KCNH7: variants seen among roughly 807,000 people sequenced by gnomAD.
KCNH7 encodes the protein voltage-gated inwardly rectifying potassium channel KCNH7.
KCNH7 carries 49 observed loss-of-function variants against 120.8 expected under a neutral mutation model. The observed-to-expected ratio is 0.41, with a 90% CI of 0.32 to 0.51. The LOEUF is 0.51. Among genes scored for constraint, KCNH7 ranks in the 20% least tolerant of loss-of-function variants. The pLI, the probability that KCNH7 is intolerant of heterozygous loss-of-function variation, is 0.38. For missense variants in KCNH7, 1,097 were observed against 1,446.6 expected, an observed-to-expected ratio of 0.76 and a Z score of 3.92; for synonymous variants, 547 against 516.1, an observed-to-expected ratio of 1.06 and a Z score of -0.81.
At chr2:162,650,896 G>A (rs78613705) in intron 2 of KCNH7, among the ~76,000 whole-genome samples, 1,838 of 152,244 alleles carry the variant, frequency 0.012, 49 homozygotes, top group East Asian at 0.12. Context: ...CTGTCAGCAG[G>A]TAGGTACGTA....
At chr2:162,413,940 G>A (rs1031635439) in intron 9 of KCNH7, among the ~76,000 whole-genome samples, 1 of 151,572 alleles carries the variant, frequency 6.6e-6, no homozygotes, top group African/African-American at 2.4e-5. Context: ...TGGAAAATAT[G>A]CAAAAAATGC....
At chr2:162,722,446 G>C (rs920353302) in intron 2 of KCNH7, among the ~76,000 whole-genome samples, 2 of 151,946 alleles carry the variant, frequency 1.3e-5, no homozygotes, top group African/African-American at 4.8e-5. Flanking sequence ...TTAAAGAGAA[G>C]CAACTTTTGT....
chr2:162,758,635 A>C (rs564872658), intron 2 of KCNH7, among the ~76,000 whole-genome samples: 12 of 152,192 alleles, frequency 7.9e-5, no homozygotes, highest in Middle Eastern at 3.4e-3. Context: ...ATATACCCAT[A>C]GTTGTATTGT....
At chr2:162,548,008 A>AT (rs78294158) in intron 2 of KCNH7, among the ~76,000 whole-genome samples, 14,883 of 152,076 alleles carry the variant, frequency 0.098, 859 homozygotes, top group East Asian at 0.21. Context: ...AAGTAAAGGT[A>AT]TTTTTTTCCC....
At chr2:162,559,949 G>A in intron 2 of KCNH7, among the ~76,000 whole-genome samples, 1 of 152,168 alleles carries the variant, frequency 6.6e-6, no homozygotes, top group South Asian at 2.1e-4. Flanking sequence ...GGTAGAACAT[G>A]TTCTCATTTT....
At chr2:162,673,267 G>C (rs1241919596) in intron 2 of KCNH7, among the ~76,000 whole-genome samples, 1 of 151,868 alleles carries the variant, frequency 6.6e-6, no homozygotes, top group Non-Finnish European at 1.5e-5. Flanking sequence ...ATGGATATAT[G>C]GTTTTATATA....
intron 2 of KCNH7, among the ~76,000 whole-genome samples, chr2:162,605,564 G>A (rs1682721777): frequency 1.3e-5 from 2 of 152,056 alleles, no homozygotes; most frequent in Admixed American, 1.3e-4. Context: ...AATACTGAAT[G>A]CATTTTTATT....
chr2:162,663,678 G>A (rs555788006), intron 2 of KCNH7, among the ~76,000 whole-genome samples: 8 of 152,158 alleles, frequency 5.3e-5, no homozygotes, highest in African/African-American at 1.4e-4. Context: ...TTCTGAATAA[G>A]CTTCATCAAA....
intron 6 of KCNH7, among the ~76,000 whole-genome samples, chr2:162,467,354 G>A (rs994170224): frequency 4.6e-5 from 7 of 152,216 alleles, no homozygotes; most frequent in Non-Finnish European, 1.0e-4. Flanking sequence ...AAGCCTAATA[G>A]GAGGTGTTTG....
intron 6 of KCNH7, among the ~76,000 whole-genome samples, chr2:162,503,162 C>T (rs1424886230): frequency 6.6e-6 from 1 of 151,994 alleles, no homozygotes; most frequent in Non-Finnish European, 1.5e-5. Context: ...AATTTTATTC[C>T]CTTATGCACT....
intron 2 of KCNH7, chr2:162,797,486 A>T (rs1404549638): frequency 2.0e-5 from 3 of 152,138 alleles, no homozygotes; most frequent in African/African-American, 7.2e-5. Flanking sequence ...TGGACTGGAT[A>T]AGAAAACAAG....
At chr2:162,393,769 C>A (rs575649582) in intron 12 of KCNH7, among the ~76,000 whole-genome samples, 2 of 151,892 alleles carry the variant, frequency 1.3e-5, no homozygotes, top group Admixed American at 6.6e-5. Flanking sequence ...TGAGGAATAC[C>A]TATTCCTGTT....
At chr2:162,677,352 T>A (rs1400433781) in intron 2 of KCNH7, among the ~76,000 whole-genome samples, 1 of 151,452 alleles carries the variant, frequency 6.6e-6, no homozygotes, top group Non-Finnish European at 1.5e-5. Flanking sequence ...AATGAATATA[T>A]CTATTTTATC....
intron 14 of KCNH7, among the ~76,000 whole-genome samples, chr2:162,376,588 T>C (rs2105394596): frequency 6.6e-6 from 1 of 152,222 alleles, no homozygotes. Flanking sequence ...GGTCTCGAAC[T>C]CCTGACCTTG....
intron 2 of KCNH7, among the ~76,000 whole-genome samples, chr2:162,717,439 A>G (rs1367100265): frequency 6.6e-6 from 1 of 152,124 alleles, no homozygotes; most frequent in East Asian, 1.9e-4. Flanking sequence ...ATGCTAAGGA[A>G]AGGTCCATCT....
At chr2:162,513,604 C>T (rs963453384) in intron 4 of KCNH7, among the ~76,000 whole-genome samples, 1 of 151,502 alleles carries the variant, frequency 6.6e-6, no homozygotes, top group African/African-American at 2.4e-5. Context: ...CGTGCCTGAG[C>T]CTCCTTAGTA....
At chr2:162,778,946 C>CTTTTTTTTTTTTTT (rs200107249) in intron 2 of KCNH7, among the ~76,000 whole-genome samples, 1 of 136,492 alleles carries the variant, frequency 7.3e-6, no homozygotes, top group Non-Finnish European at 1.6e-5. Context: ...GGAACAAATT[C>CTTTTTTTTTTTTTT]TTTTTTTTTT....
chr2:162,459,314 G>C (rs1249988377), intron 6 of KCNH7, among the ~76,000 whole-genome samples: 1 of 152,068 alleles, frequency 6.6e-6, no homozygotes, highest in East Asian at 1.9e-4. Context: ...TAAAGAGAAA[G>C]AGCCTATGCA....
intron 10 of KCNH7, among the ~76,000 whole-genome samples, chr2:162,398,094 C>T (rs1405539682): frequency 6.6e-6 from 1 of 151,832 alleles, no homozygotes; most frequent in African/African-American, 2.4e-5. Flanking sequence ...ATACTTAATA[C>T]ATACTGATAT....
Sources: gnomAD v4.1 joint callset for allele counts (sites outside exome capture counted in the v4.1 genomes callset) on GRCh38, gnomAD v4.1.1 for gene constraint, MANE v1.5 for transcripts, NCBI Gene and HGNC (gene_info 2026-07-23, HGNC 2026-07-21) for gene names.